The following ERC2 variants were observed in gnomAD, a reference collection of about 807,000 sequenced individuals.
ERC2 encodes ELKS/RAB6-interacting/CAST family member 2.
Under a neutral mutation model 114.8 loss-of-function variants are expected in ERC2, and 42 were observed. The observed-to-expected ratio is 0.37, with a 90% confidence interval of 0.29 to 0.47. The LOEUF (loss-of-function observed/expected upper bound fraction) is 0.47. ERC2 is among the 20% of genes least tolerant of loss of function. The probability of loss-of-function intolerance (pLI) is 0.99; values close to 1 mark genes in which losing one functional copy is unlikely to be tolerated. For missense variants in ERC2, 939 were observed against 1,150.7 expected (o/e 0.82, Z 2.66); for synonymous variants, 454 against 425.5 (o/e 1.07, Z -0.82).
intron 2 of ERC2, among the ~76,000 whole-genome samples, chr3:56,312,816 T>C (rs2056656504): frequency 6.6e-6 from 1 of 151,120 alleles, no homozygotes; most frequent in Admixed American, 6.6e-5. Context: ...CAGAAAAAAA[T>C]TGAATATGTG....
intron 3 of ERC2, among the ~76,000 whole-genome samples, chr3:56,186,034 G>A (rs1216294198): frequency 6.8e-6 from 1 of 146,374 alleles, no homozygotes; most frequent in African/African-American, 2.5e-5. Context: ...AGGAAATCAG[G>A]ACCTTGGACC....
chr3:56,049,553 C>A (rs1007392707), intron 7 of ERC2, among the ~76,000 whole-genome samples: 1 of 152,094 alleles, frequency 6.6e-6, no homozygotes, highest in Non-Finnish European at 1.5e-5. Flanking sequence ...GCAGACTCAA[C>A]CTTAATCTTG....
chr3:55,956,324 G>T (rs538294989), intron 12 of ERC2, among the ~76,000 whole-genome samples: 1 of 152,274 alleles, frequency 6.6e-6, no homozygotes, highest in South Asian at 2.1e-4. Flanking sequence ...AGTAAGCTGG[G>T]ATCCTGAAAT....
chr3:56,364,892 T>C (rs2059093214), intron 2 of ERC2, among the ~76,000 whole-genome samples: 1 of 152,212 alleles, frequency 6.6e-6, no homozygotes, highest in Non-Finnish European at 1.5e-5. Context: ...GTGCTTATGA[T>C]GCTGGTGGCC....
At chr3:55,984,893 G>T (rs377345127) in intron 12 of ERC2, among the ~76,000 whole-genome samples, 1 of 152,160 alleles carries the variant, frequency 6.6e-6, no homozygotes, top group Non-Finnish European at 1.5e-5. Context: ...AGATGAGCAG[G>T]TTTGTGTATA....
rs147543808 is a variant in ERC2 at position 55,714,575 on chromosome 3, C to A, written c.2713-15063G>T. On this transcript the variant is annotated intron_variant, in intron 15 of 17. Transcript: ENST00000288221. ...ATGGAAATAAAAGCAGGCTGTGAAA[C>A]AACATGTTCATATAAAATAGTATAT... 7.6e-3 allele frequency among the ~76,000 whole-genome samples: 1,130 copies of A among 148,926 alleles called. 14 individuals carry two copies. The highest frequency in any genetic ancestry group is 0.026 in the African/African-American group (1,057 of 40,488).
intron 15 of ERC2, among the ~76,000 whole-genome samples, chr3:55,725,930 G>C (rs1421171199): frequency 6.6e-6 from 1 of 152,210 alleles, no homozygotes; most frequent in Non-Finnish European, 1.5e-5. Flanking sequence ...TCCAGGCTAA[G>C]AGAGCAGATG....
At chr3:56,291,175 G>A (rs1267661406) in intron 3 of ERC2, among the ~76,000 whole-genome samples, 4 of 152,102 alleles carry the variant, frequency 2.6e-5, no homozygotes, top group Admixed American at 2.0e-4. Flanking sequence ...ATACTTGATC[G>A]CTAAAACTTC....
At chr3:55,663,364 C>T (rs2061220166) in intron 17 of ERC2, among the ~76,000 whole-genome samples, 1 of 152,224 alleles carries the variant, frequency 6.6e-6, no homozygotes, top group African/African-American at 2.4e-5. Context: ...CAGCGCTGCC[C>T]CTTCATCAGT....
chr3:56,232,136 T>C (rs983649998), intron 3 of ERC2, among the ~76,000 whole-genome samples: 1 of 141,998 alleles, frequency 7.0e-6, no homozygotes, highest in Non-Finnish European at 1.5e-5. Context: ...ACTCCTGGCT[T>C]TTTTTTTTTT....
rs192668594 is a variant in ERC2 at position 56,299,419 on chromosome 3, C to T, written c.658-2984G>A. Among the ~76,000 whole-genome samples the T allele has an allele frequency of 2.6e-3, 383 of 149,046 alleles. 3 individuals are homozygous for T. The highest frequency in any genetic ancestry group is 9.2e-3 in the African/African-American group (371 of 40,418). ...CTGGGATTACAGGCGTGAGCCACCACGCCCAGCTAATAGATTTTTTTTTTT... is the reference window on the plus strand; with the variant it reads ...CTGGGATTACAGGCGTGAGCCACCATGCCCAGCTAATAGATTTTTTTTTTT... On this transcript the variant is annotated intron_variant, in intron 2 of 17. Coordinates refer to ENST00000288221, the MANE Select transcript of ERC2 (RefSeq NM_015576.3).
intron 17 of ERC2, among the ~76,000 whole-genome samples, chr3:55,542,318 T>A (rs528558254): frequency 6.6e-6 from 1 of 152,262 alleles, no homozygotes; most frequent in African/African-American, 2.4e-5. Context: ...ATACATCTCA[T>A]CTAGAATGTT....
At chr3:55,895,717 G>C (rs540827184) in intron 13 of ERC2, among the ~76,000 whole-genome samples, 1 of 152,316 alleles carries the variant, frequency 6.6e-6, no homozygotes, top group South Asian at 2.1e-4. Flanking sequence ...TGCAATGGGA[G>C]GAAGGGGAGC....
intron 3 of ERC2, among the ~76,000 whole-genome samples, chr3:56,201,170 A>G (rs1487069625): frequency 6.6e-6 from 1 of 152,070 alleles, no homozygotes; most frequent in Non-Finnish European, 1.5e-5. Context: ...TCTCCCTAAC[A>G]TCTGACACAG....
At chr3:55,647,016 A>C (rs940402419) in intron 17 of ERC2, 1 of 152,274 alleles carries the variant, frequency 6.6e-6, no homozygotes, top group African/African-American at 2.4e-5. Flanking sequence ...ACGCATGCAC[A>C]AAGAAGCCTG....
intron 14 of ERC2, among the ~76,000 whole-genome samples, chr3:55,879,874 T>C (rs768036089): frequency 3.3e-5 from 5 of 152,106 alleles, no homozygotes; most frequent in Non-Finnish European, 7.4e-5. Flanking sequence ...CCCTGGCCAG[T>C]GGGCCCCTTC....
chr3:55,569,281 A>AT (rs1251100634), intron 17 of ERC2, among the ~76,000 whole-genome samples: 2 of 152,202 alleles, frequency 1.3e-5, no homozygotes, highest in African/African-American at 4.8e-5. Context: ...GCAAGAAAGG[A>AT]TTAAAAAAAA....
intron 17 of ERC2, among the ~76,000 whole-genome samples, chr3:55,614,523 A>G (rs1207548403): frequency 6.6e-6 from 1 of 152,124 alleles, no homozygotes; most frequent in Non-Finnish European, 1.5e-5. Flanking sequence ...GTCAAAAACT[A>G]CCCATATTTT....
At chr3:56,373,664 C>G (rs1013707396) in intron 2 of ERC2, among the ~76,000 whole-genome samples, 10 of 152,194 alleles carry the variant, frequency 6.6e-5, no homozygotes, top group African/African-American at 2.4e-4. Flanking sequence ...CTTTGCTAGC[C>G]AAGACCGTCT....
Sources: allele counts gnomAD v4.1 joint callset (sites outside exome capture counted in the v4.1 genomes callset), GRCh38; gene constraint gnomAD v4.1.1; transcripts MANE v1.5; gene names NCBI Gene and HGNC (gene_info 2026-07-23, HGNC 2026-07-21).